The following CREB1 variants were observed in gnomAD, a reference collection of about 807,000 sequenced individuals.
CREB1 encodes cAMP responsive element binding protein 1.
A neutral mutation model predicts 42.0 loss-of-function variants in CREB1; 2 were observed. The ratio of observed to expected loss-of-function variants is 0.05; its 90% CI spans 0.02 to 0.15. The LOEUF (loss-of-function observed/expected upper bound fraction) is 0.15, where lower values mean the gene tolerates loss of function less well. Among genes scored for constraint, CREB1 ranks in the 10% least tolerant of loss-of-function variants. The pLI, the probability that CREB1 is intolerant of heterozygous loss-of-function variation, is 1.00. For synonymous variants in CREB1, 123 were observed against 139.9 expected (o/e 0.88, Z 0.85); for missense variants, 199 against 388.9 (o/e 0.51, Z 4.11).
rs1434473217 is a variant in CREB1 at position 207,593,172 on chromosome 2, C to A, written c.840-3742C>A. 3.9e-5 allele frequency among the ~76,000 whole-genome samples: 6 copies of A among 152,222 alleles called. No individual in the cohort carries two copies. In the East Asian group the frequency reaches 1.2e-3, roughly 29 times the overall value. On this transcript the variant is annotated intron_variant, in intron 7 of 7. Transcript: ENST00000353267. Reference sequence around the variant, plus strand: ...CCATGCCACTGCTGAAATAACCCATCTGATCTTACATGTTATCCACCATTC... The same window carrying A: ...CCATGCCACTGCTGAAATAACCCATATGATCTTACATGTTATCCACCATTC...
chr2:207,548,035 G>C lies in CREB1; in HGVS notation c.-8-7593G>C, dbSNP rs551273866. Reference sequence around the variant, plus strand: ...CTACAACCCCCACCTCCCGGGTACAGCATTCTTGTGCTTCAGCCTCCTGAG... The same window carrying C: ...CTACAACCCCCACCTCCCGGGTACACCATTCTTGTGCTTCAGCCTCCTGAG... On this transcript the variant is annotated intron_variant, in intron 1 of 7. Coordinates refer to ENST00000353267, the MANE Select transcript of CREB1 (RefSeq NM_004379.5). 2.0e-5 allele frequency among the ~76,000 whole-genome samples: 3 copies of C among 152,058 alleles called. No homozygotes were observed. The South Asian group carries it at 6.3e-4, about 32-fold the overall frequency.
At chr2:207,540,669 T>TAAAAAAAAA (rs35714520) in intron 1 of CREB1, among the ~76,000 whole-genome samples, 195 of 64,250 alleles carry the variant, frequency 3.0e-3, no homozygotes, top group African/African-American at 7.6e-3. Context: ...GTTTAAAAAG[T>TAAAAAAAAA]AAAAAAAAAA....
At chr2:207,555,880 T>G (rs1408492845) in intron 2 of CREB1, 131 bp downstream of exon 2, 7 of 590,284 alleles carry the variant, frequency 1.2e-5, no homozygotes, top group Non-Finnish European at 1.8e-5. Context: ...AAAATTCCTA[T>G]TTACTTAGTA....
intron 1 of CREB1, among the ~76,000 whole-genome samples, chr2:207,540,762 C>G (rs1251838411): frequency 6.7e-6 from 1 of 148,884 alleles, no homozygotes; most frequent in Non-Finnish European, 1.5e-5. Context: ...CTTAAAAACC[C>G]TTTAGAGAAA....
At chr2:207,596,781 T>C in intron 7 of CREB1, 133 bp from the exon 8 acceptor site, 1 of 1,059,972 alleles carries the variant, frequency 9.4e-7, no homozygotes, top group Non-Finnish European at 1.3e-6. Flanking sequence ...CTGTATATCT[T>C]TTCCAATGCT....
intron 7 of CREB1, among the ~76,000 whole-genome samples, chr2:207,586,037 T>A (rs1221745239): frequency 6.6e-6 from 1 of 152,110 alleles, no homozygotes; most frequent in African/African-American, 2.4e-5. Flanking sequence ...TAAAACAGTT[T>A]ATCCAAAAAG....
intron 7 of CREB1, among the ~76,000 whole-genome samples, chr2:207,595,536 A>T (rs2085978555): frequency 6.6e-6 from 1 of 151,702 alleles, no homozygotes; most frequent in Admixed American, 6.6e-5. Flanking sequence ...CAGCTTCCTG[A>T]GTAGCTGAGA....
chr2:207,577,190 T>G (rs2082629948), intron 6 of CREB1: 1 of 1,092,206 alleles, frequency 9.2e-7, no homozygotes, highest in Non-Finnish European at 1.1e-6. Flanking sequence ...AGGAAGATCA[T>G]CCAAGCTGTG....
intron 3 of CREB1, among the ~76,000 whole-genome samples, chr2:207,564,746 G>A (rs2082079204): frequency 6.6e-6 from 1 of 152,064 alleles, no homozygotes; most frequent in East Asian, 1.9e-4. Context: ...ATAAACCAAA[G>A]TTGAGAAATA....
At chr2:207,548,479 G>A (rs532468530) in intron 1 of CREB1, among the ~76,000 whole-genome samples, 3 of 152,136 alleles carry the variant, frequency 2.0e-5, no homozygotes, top group South Asian at 2.1e-4. Flanking sequence ...GGCCAGGCCC[G>A]GTGGCTCACA....
intron 3 of CREB1, among the ~76,000 whole-genome samples, chr2:207,562,875 A>T (rs1341333724): frequency 6.6e-6 from 1 of 152,218 alleles, no homozygotes; most frequent in African/African-American, 2.4e-5. Flanking sequence ...ATTCATTCCT[A>T]CAACAAATGT....
At chr2:207,561,038 G>A in intron 3 of CREB1, 1 of 1,239,404 alleles carries the variant, frequency 8.1e-7, no homozygotes, top group South Asian at 1.2e-5. Context: ...TTGCAATTGA[G>A]CTTATTGAAA....
At chr2:207,573,869 T>C (rs1430988219) in intron 5 of CREB1, among the ~76,000 whole-genome samples, 6 of 152,264 alleles carry the variant, frequency 3.9e-5, no homozygotes, top group Non-Finnish European at 7.3e-5. Context: ...GAAAGTGGTA[T>C]GTTAAATACA....
intron 1 of CREB1, among the ~76,000 whole-genome samples, chr2:207,552,097 G>C (rs963892199): frequency 2.0e-5 from 3 of 146,452 alleles, no homozygotes; most frequent in Non-Finnish European, 4.5e-5. Flanking sequence ...CCCTAAAAAG[G>C]ATTGGTAGGC....
intron 1 of CREB1, among the ~76,000 whole-genome samples, chr2:207,533,128 A>G (rs1225049870): frequency 6.6e-6 from 1 of 151,890 alleles, no homozygotes; most frequent in Non-Finnish European, 1.5e-5. Flanking sequence ...GAAAGCTAAT[A>G]AATTACTTGA....
At chr2:207,596,159 C>T (rs764819210) in intron 7 of CREB1, among the ~76,000 whole-genome samples, 1 of 152,124 alleles carries the variant, frequency 6.6e-6, no homozygotes, top group Non-Finnish European at 1.5e-5. Flanking sequence ...ACATAAGGTG[C>T]GGCCCAACCT....
rs557298179 is a variant in CREB1, at chr2:207,539,963, C to T, written c.-9+9829C>T. 9.9e-5 allele frequency among the ~76,000 whole-genome samples: 15 copies of T among 152,284 alleles called. No individual in the cohort carries two copies. In the South Asian group the frequency reaches 1.9e-3, roughly 19 times the overall value. ...GTATGAGGCAGGGAGCTTTGAGTTTCATGTAAGAGAAGGTAAGATATAAAC... is the reference window on the plus strand; with the variant it reads ...GTATGAGGCAGGGAGCTTTGAGTTTTATGTAAGAGAAGGTAAGATATAAAC... On this transcript the variant is annotated intron_variant, in intron 1 of 7. Transcript: ENST00000353267.
At chr2:207,533,747 A>C (rs2080753055) in intron 1 of CREB1, among the ~76,000 whole-genome samples, 1 of 152,140 alleles carries the variant, frequency 6.6e-6, no homozygotes, top group Non-Finnish European at 1.5e-5. Context: ...TCTGTACTGC[A>C]GTATCACTTG....
chr2:207,576,241 CTTTT>C (rs35735523), intron 6 of CREB1, among the ~76,000 whole-genome samples: 2 of 101,064 alleles, frequency 2.0e-5, no homozygotes, highest in Non-Finnish European at 3.8e-5. Flanking sequence ...CTTTTTTTGG[CTTTT>C]TTTTTTTTTT....
Sources: allele counts gnomAD v4.1 joint callset (sites outside exome capture counted in the v4.1 genomes callset), GRCh38; gene constraint gnomAD v4.1.1; transcripts MANE v1.5; gene names NCBI Gene and HGNC (gene_info 2026-07-23, HGNC 2026-07-21).